CTDSPL2: variants seen among roughly 807,000 people sequenced by gnomAD.
The protein encoded by CTDSPL2 is CTD small phosphatase-like protein 2.
Under a neutral mutation model 60.0 loss-of-function variants are expected in CTDSPL2, and 5 were observed. The ratio of observed to expected loss-of-function variants is 0.08; its 90% confidence interval spans 0.04 to 0.18. The LOEUF (loss-of-function observed/expected upper bound fraction) is 0.18, where lower values mean the gene tolerates loss of function less well. Among genes scored for constraint, CTDSPL2 ranks in the 10% least tolerant of loss-of-function variants. The pLI is 1.00. For missense variants in CTDSPL2, 370 were observed against 548.8 expected, an observed-to-expected ratio of 0.67 and a Z score of 3.26; for synonymous variants, 186 against 189.3, an observed-to-expected ratio of 0.98 and a Z score of 0.14.
chr15:44,499,822 A>G lies in CTDSPL2; in HGVS notation c.969+9A>G. On this transcript the variant is annotated intron_variant, in intron 8 of 12. Coordinates refer to ENST00000260327, the MANE Select transcript of CTDSPL2 (RefSeq NM_016396.3). ...AAGATGTCATTTATCAGGTAATTAA[A>G]ATTTTTTTGATGATTTTTGGCCTGA... is the stretch of plus-strand genomic sequence containing the variant. The G allele has an allele frequency of 6.4e-7, 1 of 1,567,772 alleles. No individual in the cohort carries two copies. Among genetic ancestry groups the G allele is most frequent in the Non-Finnish European group, 8.7e-7 (1 of 1,143,440 alleles).
At chr15:44,474,990 ATAAT>A (rs1220652335) in intron 2 of CTDSPL2, among the ~76,000 whole-genome samples, 6 of 152,146 alleles carry the variant, frequency 3.9e-5, no homozygotes, top group Non-Finnish European at 8.8e-5. Flanking sequence ...CAATAAATAA[ATAAT>A]AAATAAATAA....
rs753896129 is a variant in CTDSPL2, at chr15:44,506,025, C to CTTTTTTTTTTTTTTTTTTTTTTT, written c.969+6234_969+6235insTTTTTTTTTTTTTTTTTTTTTTT. Among the ~76,000 whole-genome samples the CTTTTTTTTTTTTTTTTTTTTTTT allele has an allele frequency of 6.8e-5, 8 of 117,580 alleles. 1 individual carries two copies. Among genetic ancestry groups the CTTTTTTTTTTTTTTTTTTTTTTT allele is most frequent in the East Asian group, 2.7e-4 (1 of 3,712 alleles). 77.1% of individuals were successfully genotyped at this position (117,580 alleles called of 152,430 possible). A position where few individuals can be genotyped will look rare whatever the true frequency, so the allele number is the denominator to read the frequency against. ...GATGAAAATTATGCTTCATTGGTAA[C>CTTTTTTTTTTTTTTTTTTTTTTT]TTTTTTTTTTTTTTTTTTTTTTGAG... is the stretch of plus-strand genomic sequence containing the variant. On this transcript the variant is annotated intron_variant, in intron 8 of 12. Transcript: ENST00000260327.
Position 44,521,350 on chromosome 15 carries a change from A to G in CTDSPL2, c.1279A>G (p.Lys427Glu), listed in dbSNP as rs756897235. 1.4e-5 allele frequency: 22 copies of G among 1,587,978 alleles called. No homozygotes were observed. The highest frequency in any genetic ancestry group is 2.2e-5 in the South Asian group (2 of 89,354). Residue 427 changes from lysine to glutamate, a missense_variant, in exon 12 of 13, where the codon AAA (lysine) becomes GAA (glutamate). By Grantham distance (56) the Lys-to-Glu change is moderately conservative. This residue lies in a region of CTDSPL2 where 46 missense variants were observed against 126.0 expected (regional missense o/e 0.37). Transcript: ENST00000260327. ...CCCTATAGAAAGTTGGTTTATGGAT[A>G]AAAATGACAATGAACTCCTAAAATT... is the stretch of plus-strand genomic sequence containing the variant. ...GIPIESWFMD[K>E]NDNELLKLIP...
intron 1 of CTDSPL2, among the ~76,000 whole-genome samples, chr15:44,456,612 G>T (rs990869593): frequency 6.6e-6 from 1 of 152,014 alleles, no homozygotes; most frequent in Non-Finnish European, 1.5e-5. Flanking sequence ...ATTTTTTACT[G>T]CGTCTATTTG....
intron 12 of CTDSPL2, among the ~76,000 whole-genome samples, chr15:44,523,648 ATCT>A (rs1212627450): frequency 6.6e-6 from 1 of 152,086 alleles, no homozygotes; most frequent in Non-Finnish European, 1.5e-5. Context: ...AAACAAACAA[ATCT>A]TCTTGGGAGG....
At chr15:44,439,553 G>T (rs954038906) in intron 1 of CTDSPL2, among the ~76,000 whole-genome samples, 1 of 150,648 alleles carries the variant, frequency 6.6e-6, no homozygotes, top group Non-Finnish European at 1.5e-5. Flanking sequence ...TGGGGGGGGG[G>T]GAATATTTGC....
intron 1 of CTDSPL2, among the ~76,000 whole-genome samples, chr15:44,434,509 G>A (rs918932160): frequency 3.9e-5 from 6 of 152,098 alleles, no homozygotes; most frequent in African/African-American, 1.4e-4. Flanking sequence ...TCCTCCTGCC[G>A]CAGCCTCCCA....
intron 1 of CTDSPL2, among the ~76,000 whole-genome samples, chr15:44,449,850 GCATGGTGGTA>G (rs2080298432): frequency 6.6e-6 from 1 of 152,084 alleles, no homozygotes; most frequent in Non-Finnish European, 1.5e-5. Context: ...AATTTGCCAG[GCATGGTGGTA>G]CATGCCTCTA....
At chr15:44,461,754 TAAG>T (rs1426153408) in intron 2 of CTDSPL2, among the ~76,000 whole-genome samples, 2 of 152,086 alleles carry the variant, frequency 1.3e-5, no homozygotes, top group Non-Finnish European at 2.9e-5. Flanking sequence ...AAAATGTTAT[TAAG>T]AAAATCATAA....
At chr15:44,496,692 C>G (rs1366405428) in intron 6 of CTDSPL2, among the ~76,000 whole-genome samples, 1 of 152,050 alleles carries the variant, frequency 6.6e-6, no homozygotes, top group Admixed American at 6.6e-5. Context: ...AAAACCTCGT[C>G]CCTATAAAAA....
chr15:44,444,381 G>A (rs771967727), intron 1 of CTDSPL2, among the ~76,000 whole-genome samples: 2 of 150,060 alleles, frequency 1.3e-5, no homozygotes, highest in Non-Finnish European at 3.0e-5. Context: ...ACCTTACTCT[G>A]TCACCCAGGT....
chr15:44,522,481 G>C (rs2081797194), intron 12 of CTDSPL2, among the ~76,000 whole-genome samples: 1 of 152,138 alleles, frequency 6.6e-6, no homozygotes, highest in African/African-American at 2.4e-5. Context: ...GGCCGGGTGT[G>C]GTGGCTGATG....
intron 2 of CTDSPL2, among the ~76,000 whole-genome samples, chr15:44,459,719 A>G (rs565027799): frequency 6.6e-6 from 1 of 152,292 alleles, no homozygotes; most frequent in African/African-American, 2.4e-5. Flanking sequence ...TCAACATAGT[A>G]TTATGGGAAG....
chr15:44,443,210 T>C (rs1011916077), intron 1 of CTDSPL2, among the ~76,000 whole-genome samples: 7 of 152,228 alleles, frequency 4.6e-5, no homozygotes, highest in African/African-American at 1.7e-4. Context: ...TTAAACAGTC[T>C]TCAACGTTCA....
chr15:44,515,986 CTTTTTT>C (rs562541301), intron 10 of CTDSPL2, among the ~76,000 whole-genome samples: 21 of 132,976 alleles, frequency 1.6e-4, no homozygotes, highest in Non-Finnish European at 2.4e-4. Context: ...CTTTCTTTTT[CTTTTTT>C]TTTTTTTTTG....
intron 5 of CTDSPL2, among the ~76,000 whole-genome samples, chr15:44,493,960 A>T (rs1433720410): frequency 6.6e-6 from 1 of 152,208 alleles, no homozygotes; most frequent in Non-Finnish European, 1.5e-5. Context: ...TTGGACATAC[A>T]CACCACGTTG....
intron 1 of CTDSPL2, among the ~76,000 whole-genome samples, chr15:44,458,034 G>A (rs1475846376): frequency 2.0e-5 from 3 of 152,208 alleles, no homozygotes; most frequent in Admixed American, 2.0e-4. Flanking sequence ...AGTTTAAAGT[G>A]CTTAATTGGA....
intron 1 of CTDSPL2, among the ~76,000 whole-genome samples, chr15:44,443,740 C>T (rs1374453769): frequency 1.3e-5 from 2 of 151,960 alleles, no homozygotes; most frequent in African/African-American, 4.8e-5. Flanking sequence ...TATTCAAGTC[C>T]TTTGCACATT....
intron 6 of CTDSPL2, 31 bp from the exon 7 acceptor site, chr15:44,496,996 T>C (rs2081311905): frequency 7.6e-7 from 1 of 1,319,056 alleles, no homozygotes; most frequent in Admixed American, 1.8e-5. Context: ...AAAAGTAAAA[T>C]GTTGAAATTT....
Sources: gnomAD v4.1 joint callset for allele counts (sites outside exome capture counted in the v4.1 genomes callset) on GRCh38, gnomAD v4.1.1 for gene constraint, gnomAD v4.1.1 regional missense constraint, MANE v1.5 for transcripts, NCBI Gene and HGNC (gene_info 2026-07-23, HGNC 2026-07-21) for gene names.